Variants in KCNH1 observed in about 807,000 individuals in gnomAD.
The protein encoded by KCNH1 is potassium voltage-gated channel subfamily H member 1.
In KCNH1, 27 loss-of-function variants were observed where a neutral mutation model predicts 69.2. The ratio of observed to expected loss-of-function variants is 0.39; its 90% CI spans 0.29 to 0.54. The LOEUF (loss-of-function observed/expected upper bound fraction) is 0.54. Among genes scored for constraint, KCNH1 ranks in the 20% least tolerant of loss-of-function variants. KCNH1 has a pLI of 0.68. For synonymous variants in KCNH1, 456 were observed against 487.7 expected, an observed-to-expected ratio of 0.93 and a Z score of 0.86; for missense variants, 798 against 1,261.6, an observed-to-expected ratio of 0.63 and a Z score of 5.57.
chr1:210,963,711 A>G (rs1489901670), intron 6 of KCNH1, among the ~76,000 whole-genome samples: 4 of 152,114 alleles, frequency 2.6e-5, no homozygotes, highest in South Asian at 2.1e-4. Context: ...GATCAACTTA[A>G]TGAAATAAAG....
At chr1:210,741,070 A>T (rs1683015923) in intron 10 of KCNH1, among the ~76,000 whole-genome samples, 2 of 152,220 alleles carry the variant, frequency 1.3e-5, no homozygotes, top group Non-Finnish European at 2.9e-5. Context: ...CTAGGGAGAC[A>T]CATGCTCATT....
intron 1 of KCNH1, among the ~76,000 whole-genome samples, chr1:211,113,972 TCTCACACACA>T (rs1691519937): frequency 7.6e-6 from 1 of 131,614 alleles, no homozygotes; most frequent in African/African-American, 2.7e-5. Context: ...TCTCTCTCTC[TCTCACACACA>T]CACACACACA....
At chr1:210,897,941 C>T (rs1003771930) in intron 7 of KCNH1, among the ~76,000 whole-genome samples, 2 of 152,178 alleles carry the variant, frequency 1.3e-5, no homozygotes, top group African/African-American at 4.8e-5. Flanking sequence ...GATGGCAAGA[C>T]CCCTGGAGGG....
chr1:210,724,679 T>C lies in KCNH1; in HGVS notation c.2113-40541A>G, dbSNP rs1558441632. ...TCTTTGTACTTTATCAAGTTCTAGCTATGTGCTTGAGGGTTCAGTTGTAGT... is the reference window on the plus strand; with the variant it reads ...TCTTTGTACTTTATCAAGTTCTAGCCATGTGCTTGAGGGTTCAGTTGTAGT... On this transcript the variant is annotated intron_variant, in intron 10 of 10. Coordinates refer to ENST00000271751, the MANE Select transcript of KCNH1 (RefSeq NM_172362.3). Among the ~76,000 whole-genome samples the C allele has an allele frequency of 2.0e-5, 3 of 152,320 alleles. No homozygotes were observed. In the South Asian group the frequency reaches 6.2e-4, roughly 32 times the overall value.
intron 7 of KCNH1, among the ~76,000 whole-genome samples, chr1:210,872,604 T>A (rs2102496940): frequency 6.6e-6 from 1 of 152,172 alleles, no homozygotes; most frequent in Admixed American, 6.5e-5. Context: ...AAACTTACAA[T>A]CATGGCAAAA....
intron 10 of KCNH1, among the ~76,000 whole-genome samples, chr1:210,724,664 T>TG (rs1330800197): frequency 2.0e-5 from 3 of 152,194 alleles, no homozygotes; most frequent in African/African-American, 7.2e-5. Context: ...TCTTTGTACT[T>TG]TATCAAGTTC....
At chr1:210,944,894 A>C (rs1163790224) in intron 6 of KCNH1, among the ~76,000 whole-genome samples, 1 of 152,202 alleles carries the variant, frequency 6.6e-6, no homozygotes, top group African/African-American at 2.4e-5. Flanking sequence ...GAAACTCTGC[A>C]CCCATTAAAC....
At chr1:210,722,230 T>C (rs983161271) in intron 10 of KCNH1, among the ~76,000 whole-genome samples, 10 of 152,232 alleles carry the variant, frequency 6.6e-5, no homozygotes, top group African/African-American at 2.4e-4. Context: ...TGTTACTTTG[T>C]AGGGCTGGAG....
At chr1:211,121,851 C>T (rs1691690991) in intron 1 of KCNH1, among the ~76,000 whole-genome samples, 1 of 152,028 alleles carries the variant, frequency 6.6e-6, no homozygotes, top group African/African-American at 2.4e-5. Context: ...AACAAACAAC[C>T]CCGGCCAGGC....
chr1:210,832,077 C>A (rs1685172579), intron 7 of KCNH1, among the ~76,000 whole-genome samples: 1 of 152,128 alleles, frequency 6.6e-6, no homozygotes. Flanking sequence ...TGCCAAAAAT[C>A]TTCCCTTTTT....
intron 6 of KCNH1, among the ~76,000 whole-genome samples, chr1:211,001,125 A>T (rs1369437340): frequency 2.0e-5 from 3 of 152,214 alleles, no homozygotes; most frequent in Admixed American, 2.0e-4. Context: ...TGTATAAAAC[A>T]CCAAAAGCAA....
intron 7 of KCNH1, among the ~76,000 whole-genome samples, chr1:210,807,135 A>G (rs1273285997): frequency 1.3e-5 from 2 of 152,000 alleles, no homozygotes; most frequent in African/African-American, 4.8e-5. Context: ...ATTGCTATAA[A>G]GTATATGTAT....
chr1:210,823,411 T>C (rs1484433988), intron 7 of KCNH1, among the ~76,000 whole-genome samples: 2 of 152,210 alleles, frequency 1.3e-5, no homozygotes, highest in African/African-American at 4.8e-5. Context: ...CCAGTGGAAC[T>C]CAGCTGTAAC....
intron 4 of KCNH1, among the ~76,000 whole-genome samples, chr1:211,084,870 A>G (rs1429134523): frequency 6.6e-6 from 1 of 152,242 alleles, no homozygotes; most frequent in East Asian, 1.9e-4. Flanking sequence ...CAGGCATGGT[A>G]CTAGATACTA....
intron 4 of KCNH1, 35 bp from the exon 5 acceptor site, chr1:211,082,933 A>G: frequency 6.5e-7 from 1 of 1,548,042 alleles, no homozygotes; most frequent in Non-Finnish European, 8.9e-7. Context: ...GACAGGGTCA[A>G]CCACATCCCA....
chr1:210,892,219 A>C (rs1217912248), intron 7 of KCNH1, among the ~76,000 whole-genome samples: 1 of 141,446 alleles, frequency 7.1e-6, no homozygotes, highest in Non-Finnish European at 1.6e-5. Context: ...TATATATATG[A>C]AAAAAAAAAA....
At chr1:211,060,982 CA>C (rs1230907864) in intron 5 of KCNH1, among the ~76,000 whole-genome samples, 1 of 151,974 alleles carries the variant, frequency 6.6e-6, no homozygotes, top group Non-Finnish European at 1.5e-5. Context: ...ACCCTGATAC[CA>C]AAATCAGACA....
chr1:210,767,358 C>T (rs1033194609), intron 10 of KCNH1, among the ~76,000 whole-genome samples: 8 of 152,154 alleles, frequency 5.3e-5, no homozygotes, highest in African/African-American at 1.9e-4. Flanking sequence ...GAGACCCTGC[C>T]AGTAATCTCT....
intron 7 of KCNH1, among the ~76,000 whole-genome samples, chr1:210,887,722 CAAAAAAA>C (rs35066964): frequency 1.8e-5 from 1 of 55,064 alleles, no homozygotes; most frequent in South Asian, 9.5e-4. Context: ...AATGGAAAGC[CAAAAAAA>C]AAAAAAAAAA....
Sources: allele counts gnomAD v4.1 joint callset (sites outside exome capture counted in the v4.1 genomes callset), GRCh38; gene constraint gnomAD v4.1.1; transcripts MANE v1.5; gene names NCBI Gene and HGNC (gene_info 2026-07-23, HGNC 2026-07-21).